KCNC2: variants seen among roughly 807,000 people sequenced by gnomAD.
KCNC2 encodes the protein potassium voltage-gated channel subfamily C member 2.
A neutral mutation model predicts 44.5 loss-of-function variants in KCNC2; 21 were observed. The ratio of observed to expected loss-of-function variants is 0.47; its 90% CI spans 0.33 to 0.68. The LOEUF is 0.68. KCNC2 is among the 30% of genes least tolerant of loss of function. The pLI is 0.01. For missense variants in KCNC2, 589 were observed against 826.2 expected (o/e 0.71, Z 3.52); for synonymous variants, 391 against 339.1 (o/e 1.15, Z -1.68).
chr12:75,048,341 G>T, intron 3 of KCNC2, 24 bp from the exon 4 acceptor site: 2 of 1,582,564 alleles, frequency 1.3e-6, no homozygotes, highest in South Asian at 2.3e-5. Flanking sequence ...CATGCCCATT[G>T]ACAGACAGTG....
chr12:75,121,972 G>C (rs1468139175), intron 2 of KCNC2, among the ~76,000 whole-genome samples: 1 of 151,808 alleles, frequency 6.6e-6, no homozygotes, highest in African/African-American at 2.4e-5. Flanking sequence ...AGTGTCAAGT[G>C]TGAGTGATAG....
intron 2 of KCNC2, among the ~76,000 whole-genome samples, chr12:75,052,366 A>C (rs934701765): frequency 6.0e-4 from 91 of 152,130 alleles, no homozygotes; most frequent in Admixed American, 5.9e-3. Context: ...GCAGAATACA[A>C]ATGTGTTGAA....
rs1471751902 is a variant in KCNC2 at position 75,140,810 on chromosome 12, C to A, written c.687+66487G>T. On this transcript the variant is annotated intron_variant, in intron 2 of 4. Transcript: ENST00000549446. ...TTAATGTAACGATTAATGTCATAGA[C>A]TCAGGAAGATGAAAAGAAATTGAGA... 2.0e-5 allele frequency among the ~76,000 whole-genome samples: 3 copies of A among 151,656 alleles called. No individual in the cohort carries two copies. In the South Asian group the frequency reaches 6.2e-4, roughly 31 times the overall value.
intron 2 of KCNC2, among the ~76,000 whole-genome samples, chr12:75,150,099 C>A (rs769673464): frequency 6.6e-6 from 1 of 151,858 alleles, no homozygotes; most frequent in Admixed American, 6.6e-5. Flanking sequence ...CTATCCAGAG[C>A]CTGCTATAAC....
At chr12:75,083,385 C>T (rs1024707811) in intron 2 of KCNC2, among the ~76,000 whole-genome samples, 1 of 151,800 alleles carries the variant, frequency 6.6e-6, no homozygotes, top group Admixed American at 6.6e-5. Flanking sequence ...ACAACTATCC[C>T]ATGTGCATTT....
At chr12:75,100,242 T>C (rs1886268051) in intron 2 of KCNC2, among the ~76,000 whole-genome samples, 1 of 152,108 alleles carries the variant, frequency 6.6e-6, no homozygotes, top group South Asian at 2.1e-4. Context: ...CCTAAAATGT[T>C]GAATGCCTCA....
intron 2 of KCNC2, among the ~76,000 whole-genome samples, chr12:75,190,091 T>G (rs567949745): frequency 4.5e-4 from 69 of 152,294 alleles, no homozygotes; most frequent in African/African-American, 1.6e-3. Context: ...ATATGTTATC[T>G]CATCTAATCC....
At chr12:75,086,660 CAAAAAAAAAAAAA>C (rs751242858) in intron 2 of KCNC2, among the ~76,000 whole-genome samples, 9 of 117,010 alleles carry the variant, frequency 7.7e-5, no homozygotes, top group African/African-American at 1.8e-4. Flanking sequence ...GTTCATTTGG[CAAAAAAAAAAAAA>C]AAAAAAAAAT....
chr12:75,102,217 A>G (rs1886423099), intron 2 of KCNC2, among the ~76,000 whole-genome samples: 1 of 152,094 alleles, frequency 6.6e-6, no homozygotes, highest in South Asian at 2.1e-4. Context: ...TTAAACAGAC[A>G]TATTTCTATG....
intron 2 of KCNC2, among the ~76,000 whole-genome samples, chr12:75,166,405 G>A (rs1396660003): frequency 6.7e-6 from 1 of 149,344 alleles, no homozygotes; most frequent in Non-Finnish European, 1.5e-5. Context: ...GGAACATCTA[G>A]GCAGAAGATC....
chr12:75,048,438 C>A, intron 3 of KCNC2, 121 bp from the exon 4 acceptor site: 2 of 667,332 alleles, frequency 3.0e-6, no homozygotes, highest in Non-Finnish European at 4.5e-6. Flanking sequence ...AGAATCACAT[C>A]ACAATAAGAA....
At chr12:75,052,146 C>T (rs955695751) in intron 2 of KCNC2, among the ~76,000 whole-genome samples, 2 of 152,004 alleles carry the variant, frequency 1.3e-5, no homozygotes, top group African/African-American at 4.8e-5. Context: ...CTTAGTAGTA[C>T]CATATACTGT....
intron 2 of KCNC2, among the ~76,000 whole-genome samples, chr12:75,158,851 T>C (rs908755138): frequency 6.6e-6 from 1 of 151,884 alleles, no homozygotes; most frequent in Admixed American, 6.6e-5. Context: ...AATCAAGTTA[T>C]AGAGTCAATA....
chr12:75,075,310 A>T (rs2137053108), intron 2 of KCNC2, among the ~76,000 whole-genome samples: 1 of 152,052 alleles, frequency 6.6e-6, no homozygotes, highest in East Asian at 1.9e-4. Flanking sequence ...ATTTTACTCC[A>T]ATCAAGAGAT....
chr12:75,070,919 T>A (rs2137033405), intron 2 of KCNC2, among the ~76,000 whole-genome samples: 1 of 152,314 alleles, frequency 6.6e-6, no homozygotes. Flanking sequence ...TCTTTTAAAA[T>A]TAATAGTCCA....
At chr12:75,178,315 AT>A (rs1403147054) in intron 2 of KCNC2, among the ~76,000 whole-genome samples, 2 of 152,024 alleles carry the variant, frequency 1.3e-5, no homozygotes, top group Non-Finnish European at 2.9e-5. Flanking sequence ...ACCTGTTATA[AT>A]ATAAATAAGG....
intron 4 of KCNC2, chr12:75,044,849 G>GT (rs1880301760): frequency 6.6e-6 from 1 of 151,834 alleles, no homozygotes; most frequent in Non-Finnish European, 1.5e-5. Flanking sequence ...ATCTGCCAAT[G>GT]TTTTGTTAGT....
chr12:75,085,029 A>T, intron 2 of KCNC2, among the ~76,000 whole-genome samples: 1 of 38,206 alleles, frequency 2.6e-5, no homozygotes, highest in South Asian at 1.1e-3. Context: ...TGCCATAGGA[A>T]TTCACAAAAA....
At chr12:75,076,873 T>A (rs2137061876) in intron 2 of KCNC2, among the ~76,000 whole-genome samples, 1 of 152,344 alleles carries the variant, frequency 6.6e-6, no homozygotes, top group East Asian at 1.9e-4. Flanking sequence ...TTTGGGAACA[T>A]CTTTTCTGGT....
Sources: gnomAD v4.1 joint callset for allele counts (sites outside exome capture counted in the v4.1 genomes callset) on GRCh38, gnomAD v4.1.1 for gene constraint, MANE v1.5 for transcripts, NCBI Gene and HGNC (gene_info 2026-07-23, HGNC 2026-07-21) for gene names.